Variants in ETV1 observed in about 807,000 individuals in gnomAD.
The protein encoded by ETV1 is ETS translocation variant 1.
A neutral mutation model predicts 62.3 loss-of-function variants in ETV1; 27 were observed. The observed-to-expected ratio is 0.43, with a 90% CI of 0.32 to 0.60. ETV1 has a LOEUF of 0.60. Ranked by LOEUF, ETV1 falls within the 20% of genes least tolerant of loss-of-function variation. The pLI is 0.06. For missense variants in ETV1, 605 were observed against 605.8 expected (o/e 1.00, Z 0.01); for synonymous variants, 222 against 199.6 (o/e 1.11, Z -0.94).
chr7:13,955,828 A>G (rs1230608404), intron 6 of ETV1, among the ~76,000 whole-genome samples: 2 of 151,370 alleles, frequency 1.3e-5, no homozygotes, highest in Non-Finnish European at 2.9e-5. Context: ...GATTTCTTAA[A>G]ACACTCATTT....
At chr7:13,959,124 G>C (rs1002322627) in intron 6 of ETV1, 1 of 149,520 alleles carries the variant, frequency 6.7e-6, no homozygotes, top group Non-Finnish European at 1.5e-5. Context: ...TTTTTTAATC[G>C]TTAATACAAT....
intron 6 of ETV1, among the ~76,000 whole-genome samples, chr7:13,967,000 T>A (rs1241643908): frequency 6.6e-6 from 1 of 152,124 alleles, no homozygotes; most frequent in East Asian, 1.9e-4. Context: ...AGACTACAAC[T>A]GTGTAGCATA....
In ETV1 at chr7:13,894,496, T is replaced by C. The variant is rs1781605102; in HGVS notation, c.*1370A>G. On this transcript the variant is annotated 3_prime_UTR_variant, in exon 14 of 14. Transcript: ENST00000430479. ...CATACAGCAACTTCCTCATATTCTTTGACGGTTTGTAAATAATTTTCCATA... is the reference window on the plus strand; with the variant it reads ...CATACAGCAACTTCCTCATATTCTTCGACGGTTTGTAAATAATTTTCCATA... The C allele has an allele frequency of 4.3e-6, 1 of 232,714 alleles. No homozygotes were observed. Among genetic ancestry groups the C allele is most frequent in the African/African-American group, 2.2e-5 (1 of 45,318 alleles). 14.4% of individuals were successfully genotyped at this position (232,714 alleles called of 1,614,324 possible).
chr7:13,899,177 C>T (rs1377337015), intron 13 of ETV1, among the ~76,000 whole-genome samples: 1 of 151,996 alleles, frequency 6.6e-6, no homozygotes, highest in Admixed American at 6.6e-5. Flanking sequence ...AGGCAATGTG[C>T]CCCCGCATTA....
At chr7:13,969,995 G>A (rs970387084) in intron 6 of ETV1, among the ~76,000 whole-genome samples, 3 of 151,974 alleles carry the variant, frequency 2.0e-5, no homozygotes, top group Non-Finnish European at 2.9e-5. Flanking sequence ...AGTGGCTCAC[G>A]CCTGTAATCC....
In ETV1 at chr7:13,894,679, A is replaced by C; in HGVS notation, c.*1187T>G. Reference sequence around the variant, plus strand: ...GTCATCTATTTTGTCCTGAAATGCTATCTGTAGTTAACTGCACTGCTTATA... The same window carrying C: ...GTCATCTATTTTGTCCTGAAATGCTCTCTGTAGTTAACTGCACTGCTTATA... On this transcript the variant is annotated 3_prime_UTR_variant, in exon 14 of 14. Transcript: ENST00000430479. 1 of 232,674 alleles carries C rather than the reference A, an allele frequency of 4.3e-6. No homozygotes were observed. The highest frequency in any genetic ancestry group is 8.5e-6 in the Non-Finnish European group (1 of 117,434). 14.4% of individuals were successfully genotyped at this position (232,674 alleles called of 1,614,324 possible).
At chr7:13,964,220 G>A (rs1790511950) in intron 6 of ETV1, among the ~76,000 whole-genome samples, 1 of 152,108 alleles carries the variant, frequency 6.6e-6, no homozygotes, top group Non-Finnish European at 1.5e-5. Context: ...CTTCACAGCA[G>A]GACCACCATT....
chr7:13,914,769 C>T (rs1399480003), intron 9 of ETV1, among the ~76,000 whole-genome samples: 1 of 152,148 alleles, frequency 6.6e-6, no homozygotes, highest in African/African-American at 2.4e-5. Context: ...AATTGCTAGG[C>T]ACTCTCTGAT....
chr7:13,891,510 T>G lies in ETV1; in HGVS notation c.*4356A>C, dbSNP rs1350220500. ...CTGAAAATTCTGAAATCATTAATAT[T>G]TCTATAAAGATATCCACTTAGTCTA... is the stretch of plus-strand genomic sequence containing the variant. On this transcript the variant is annotated 3_prime_UTR_variant, in exon 14 of 14. Transcript: ENST00000430479. 4.3e-6 allele frequency: 1 copy of G among 231,728 alleles called. No homozygotes were observed. The highest frequency in any genetic ancestry group is 8.5e-6 in the Non-Finnish European group (1 of 117,276). 14.4% of individuals were successfully genotyped at this position (231,728 alleles called of 1,614,324 possible). A position where few individuals can be genotyped will look rare whatever the true frequency, so the allele number is the denominator to read the frequency against.
intron 6 of ETV1, among the ~76,000 whole-genome samples, chr7:13,969,088 C>T (rs994268887): frequency 1.3e-5 from 2 of 152,142 alleles, no homozygotes; most frequent in Admixed American, 6.5e-5. Flanking sequence ...AACAGTAGAA[C>T]ATCTAATGAC....
intron 5 of ETV1, among the ~76,000 whole-genome samples, chr7:13,979,605 T>C (rs530037623): frequency 1.3e-5 from 2 of 152,252 alleles, no homozygotes; most frequent in East Asian, 1.9e-4. Flanking sequence ...TGCACATTTT[T>C]CCCATTATAT....
rs1029880106 is a variant in ETV1, at chr7:13,914,066, G to C, written c.803-2759C>G. 2.6e-5 allele frequency among the ~76,000 whole-genome samples: 4 copies of C among 151,804 alleles called. No homozygotes were observed. The East Asian group carries it at 7.8e-4, about 30-fold the overall frequency. On this transcript the variant is annotated intron_variant, in intron 9 of 13. Coordinates refer to ENST00000430479, the MANE Select transcript of ETV1 (RefSeq NM_004956.5). Reference sequence around the variant, plus strand: ...GCCTGGCTAATTTTTTGTATTTTTAGTAGAGACGGGGTTTCACCATGTTGA... The same window carrying C: ...GCCTGGCTAATTTTTTGTATTTTTACTAGAGACGGGGTTTCACCATGTTGA...
chr7:13,905,826 T>A (rs1262334932), intron 12 of ETV1, among the ~76,000 whole-genome samples: 1 of 152,170 alleles, frequency 6.6e-6, no homozygotes, highest in Non-Finnish European at 1.5e-5. Context: ...GGAACAAGTG[T>A]CACGGACAAA....
chr7:13,959,882 CAAAAAAAAAA>C (rs35605197), intron 6 of ETV1, among the ~76,000 whole-genome samples: 1 of 56,710 alleles, frequency 1.8e-5, no homozygotes, highest in African/African-American at 4.1e-5. Flanking sequence ...GATTCTGTCT[CAAAAAAAAAA>C]AAAAAAAAAA....
Position 13,894,156 on chromosome 7 carries a change from T to TG in ETV1, c.*1709_*1710insC, listed in dbSNP as rs1781579430. On this transcript the variant is annotated 3_prime_UTR_variant, in exon 14 of 14. Transcript: ENST00000430479. ...TTTATTTTGACTTTGTGTTTAGAAT[T>TG]TTTTTTTTTTTTTGCTTTTTGCTAT... 1 of 182,866 alleles carries TG rather than the reference T, an allele frequency of 5.5e-6. No individual in the cohort carries two copies. Among genetic ancestry groups the TG allele is most frequent in the African/African-American group, 2.3e-5 (1 of 42,658 alleles). 11.3% of individuals were successfully genotyped at this position (182,866 alleles called of 1,614,324 possible).
chr7:13,939,232 G>A lies in ETV1; in HGVS notation c.250C>T (p.Leu84=). 1 of 1,603,832 alleles carries A rather than the reference G, an allele frequency of 6.2e-7. No homozygotes were observed. Residue 84 remains leucine (L), a synonymous_variant, in exon 7 of 14, where the codon CTG becomes TTG. Transcript: ENST00000430479. The stretch of plus-strand genomic sequence containing the variant: ...GGTTCTTTCTTGATTTTCAGTGGCA[G>A]GCCATGAAAAGCCACTAGAAAAAAG... ...YQAESLAFHG[L]PLKIKKEPHS...
intron 3 of ETV1, chr7:13,988,612 G>GAAAAAAAGAAAAAAAAAAAAAAAAA: frequency 9.1e-7 from 1 of 1,093,296 alleles, no homozygotes; most frequent in East Asian, 3.7e-5. Flanking sequence ...AAAAAAAAGA[G>GAAAAAAAGAAAAAAAAAAAAAAAAA]AAAATGAGAA....
chr7:13,898,119 G>A (rs547378580), intron 13 of ETV1, among the ~76,000 whole-genome samples: 111 of 152,176 alleles, frequency 7.3e-4, no homozygotes, highest in Non-Finnish European at 1.5e-3. Context: ...ATGCTACTGA[G>A]TTTAGAACAA....
intron 13 of ETV1, among the ~76,000 whole-genome samples, chr7:13,897,558 T>C (rs1781974404): frequency 6.6e-6 from 1 of 152,210 alleles, no homozygotes; most frequent in Non-Finnish European, 1.5e-5. Flanking sequence ...CAGTGGCCTT[T>C]GCTGTGAAAT....
Sources: gnomAD v4.1 joint callset for allele counts (sites outside exome capture counted in the v4.1 genomes callset) on GRCh38, gnomAD v4.1.1 for gene constraint, MANE v1.5 for transcripts, NCBI Gene and HGNC (gene_info 2026-07-23, HGNC 2026-07-21) for gene names.